Variants in CTNNA3 observed in about 807,000 individuals in gnomAD.
The protein encoded by CTNNA3 is catenin alpha 3, also known as catenin alpha-3.
Under a neutral mutation model 95.7 loss-of-function variants are expected in CTNNA3, and 76 were observed. The ratio of observed to expected loss-of-function variants is 0.79; its 90% confidence interval spans 0.66 to 0.96. The LOEUF (loss-of-function observed/expected upper bound fraction) is 0.96. CTNNA3 is among the 40% of genes least tolerant of loss of function. The pLI is 0.00. For missense variants in CTNNA3, 1,191 were observed against 1,089.8 expected (o/e 1.09, Z -1.31); for synonymous variants, 431 against 374.4 (o/e 1.15, Z -1.74).
chr10:66,264,140 GATATA>G (rs1316672178), intron 13 of CTNNA3, among the ~76,000 whole-genome samples: 11 of 152,034 alleles, frequency 7.2e-5, no homozygotes, highest in South Asian at 4.1e-4. Flanking sequence ...CCCAATGGCT[GATATA>G]ATATAACTAT....
chr10:66,900,385 CA>C (rs1378571379), intron 7 of CTNNA3, among the ~76,000 whole-genome samples: 1 of 152,052 alleles, frequency 6.6e-6, no homozygotes, highest in Non-Finnish European at 1.5e-5. Flanking sequence ...TGTCAAAGAC[CA>C]AAGGTAGATA....
intron 11 of CTNNA3, among the ~76,000 whole-genome samples, chr10:66,480,635 C>T (rs1286964287): frequency 2.0e-5 from 3 of 151,958 alleles, no homozygotes; most frequent in African/African-American, 7.3e-5. Context: ...GACAAAGTCT[C>T]GCTCTGTCAC....
chr10:66,438,196 C>T (rs1331039056), intron 11 of CTNNA3, among the ~76,000 whole-genome samples: 8 of 152,196 alleles, frequency 5.3e-5, no homozygotes, highest in Admixed American at 5.2e-4. Context: ...CTTGAGGAGG[C>T]AGTCTGTCCC....
At chr10:66,793,475 A>G (rs769140337) in intron 7 of CTNNA3, among the ~76,000 whole-genome samples, 32 of 151,962 alleles carry the variant, frequency 2.1e-4, no homozygotes, top group Non-Finnish European at 4.0e-4. Flanking sequence ...ACTGGCTTCC[A>G]ATATTTTTTT....
chr10:66,036,677 GC>G (rs1261880759), intron 15 of CTNNA3, among the ~76,000 whole-genome samples: 1 of 152,002 alleles, frequency 6.6e-6, no homozygotes, highest in Non-Finnish European at 1.5e-5. Flanking sequence ...CGTCCAGCTT[GC>G]CAGGCATTCC....
At chr10:66,312,835 A>G (rs1005542995) in intron 12 of CTNNA3, among the ~76,000 whole-genome samples, 4 of 152,054 alleles carry the variant, frequency 2.6e-5, no homozygotes, top group African/African-American at 7.2e-5. Flanking sequence ...GTGAGCTACA[A>G]TGCCCGGTGG....
chr10:67,295,761 A>C (rs1020951757), intron 5 of CTNNA3, among the ~76,000 whole-genome samples: 2 of 152,242 alleles, frequency 1.3e-5, no homozygotes, highest in African/African-American at 4.8e-5. Context: ...TGGAGTAAGA[A>C]GAATAAGAGT....
intron 7 of CTNNA3, among the ~76,000 whole-genome samples, chr10:67,059,232 C>T (rs970576326): frequency 6.6e-6 from 1 of 152,092 alleles, no homozygotes; most frequent in African/African-American, 2.4e-5. Context: ...AGCCAGATCA[C>T]CATTTTCCAA....
intron 1 of CTNNA3, among the ~76,000 whole-genome samples, chr10:67,758,541 C>T (rs186393727): frequency 3.2e-3 from 484 of 151,866 alleles, no homozygotes; most frequent in Non-Finnish European, 5.2e-3. Flanking sequence ...GGGTGGTCTG[C>T]GGATCTAGTT....
intron 10 of CTNNA3, among the ~76,000 whole-genome samples, chr10:66,536,052 A>G (rs1841640965): frequency 6.6e-6 from 1 of 152,096 alleles, no homozygotes. Context: ...GAAGAAAAAT[A>G]GATTTTTAGA....
At chr10:66,479,762 T>C (rs929397601) in intron 11 of CTNNA3, among the ~76,000 whole-genome samples, 3 of 137,500 alleles carry the variant, frequency 2.2e-5, no homozygotes, top group Admixed American at 2.1e-4. Flanking sequence ...TTTTTAGGTG[T>C]GTTTTTAACT....
At chr10:67,323,444 T>C (rs1564566603) in intron 5 of CTNNA3, among the ~76,000 whole-genome samples, 2 of 152,212 alleles carry the variant, frequency 1.3e-5, no homozygotes, top group Non-Finnish European at 2.9e-5. Context: ...GGCTAGCCAG[T>C]TATCTCAGCA....
intron 7 of CTNNA3, among the ~76,000 whole-genome samples, chr10:66,847,409 C>G (rs1298101302): frequency 6.6e-6 from 1 of 152,126 alleles, no homozygotes; most frequent in Non-Finnish European, 1.5e-5. Context: ...TAATTTATGT[C>G]AGTCAACTAA....
At chr10:66,318,917 T>A (rs1239564454) in intron 12 of CTNNA3, among the ~76,000 whole-genome samples, 1 of 151,622 alleles carries the variant, frequency 6.6e-6, no homozygotes, top group Non-Finnish European at 1.5e-5. Context: ...TAGAAGTATT[T>A]TTTTTTTTTG....
intron 9 of CTNNA3, among the ~76,000 whole-genome samples, chr10:66,676,003 C>T (rs943903082): frequency 3.9e-5 from 6 of 152,006 alleles, no homozygotes; most frequent in Non-Finnish European, 7.4e-5. Context: ...TACATAAAAC[C>T]AGTCATGTCT....
intron 10 of CTNNA3, among the ~76,000 whole-genome samples, chr10:66,590,160 G>T (rs538952146): frequency 6.6e-5 from 10 of 152,146 alleles, no homozygotes; most frequent in South Asian, 2.1e-4. Flanking sequence ...TAAGTTGAAG[G>T]CTTCCCAAAA....
At chr10:67,042,175 G>T (rs751080785) in intron 7 of CTNNA3, among the ~76,000 whole-genome samples, 1 of 152,058 alleles carries the variant, frequency 6.6e-6, no homozygotes, top group Non-Finnish European at 1.5e-5. Context: ...ACATTAAAAA[G>T]AACAAACCTG....
chr10:67,408,242 T>C (rs549331488), intron 5 of CTNNA3, among the ~76,000 whole-genome samples: 1 of 152,282 alleles, frequency 6.6e-6, no homozygotes, highest in Non-Finnish European at 1.5e-5. Flanking sequence ...ATAAAATATT[T>C]TAAAATCAAT....
chr10:67,362,598 C>T (rs1215058481), intron 5 of CTNNA3, among the ~76,000 whole-genome samples: 1 of 151,320 alleles, frequency 6.6e-6, no homozygotes, highest in Admixed American at 6.6e-5. Context: ...ACCTAACGAG[C>T]ATATCTCAAA....
Sources: gnomAD v4.1 joint callset for allele counts (sites outside exome capture counted in the v4.1 genomes callset) on GRCh38, gnomAD v4.1.1 for gene constraint, MANE v1.5 for transcripts, NCBI Gene and HGNC (gene_info 2026-07-23, HGNC 2026-07-21) for gene names.